CTNNA3: variants seen among roughly 807,000 people sequenced by gnomAD.
CTNNA3 encodes the protein catenin alpha-3.
CTNNA3 carries 76 observed loss-of-function variants against 95.7 expected under a neutral mutation model. The ratio of observed to expected loss-of-function variants is 0.79; its 90% confidence interval spans 0.66 to 0.96. The LOEUF (loss-of-function observed/expected upper bound fraction) is 0.96, where lower values mean the gene tolerates loss of function less well. Ranked by LOEUF, CTNNA3 falls within the 40% of genes least tolerant of loss-of-function variation. CTNNA3 has a pLI of 0.00. For missense variants in CTNNA3, 1,191 were observed against 1,089.8 expected (o/e 1.09, Z -1.31); for synonymous variants, 431 against 374.4 (o/e 1.15, Z -1.74).
intron 5 of CTNNA3, among the ~76,000 whole-genome samples, chr10:67,268,712 G>A (rs1226669460): frequency 2.0e-5 from 3 of 152,116 alleles, no homozygotes; most frequent in African/African-American, 7.2e-5. Flanking sequence ...TAAACATTTT[G>A]AATTCAATTT....
chr10:66,812,848 T>C (rs550487432), intron 7 of CTNNA3, among the ~76,000 whole-genome samples: 6 of 152,176 alleles, frequency 3.9e-5, no homozygotes, highest in Admixed American at 1.3e-4. Flanking sequence ...TCCACAATTT[T>C]TCACTGGATA....
intron 5 of CTNNA3, among the ~76,000 whole-genome samples, chr10:67,439,131 C>T (rs1846407084): frequency 6.6e-6 from 1 of 152,068 alleles, no homozygotes; most frequent in Admixed American, 6.5e-5. Flanking sequence ...ATGAAAGTGA[C>T]TCTTTCCTTC....
At chr10:67,403,462 A>G (rs1476984956) in intron 5 of CTNNA3, 1 of 152,336 alleles carries the variant, frequency 6.6e-6, no homozygotes, top group Non-Finnish European at 1.5e-5. Context: ...GCTTCTTTAA[A>G]TAGAACCCCA....
chr10:67,361,978 C>T (rs1843003955), intron 5 of CTNNA3, among the ~76,000 whole-genome samples: 1 of 152,024 alleles, frequency 6.6e-6, no homozygotes, highest in Admixed American at 6.6e-5. Context: ...TCCTCAGAAA[C>T]TATTATGAAC....
At chr10:66,578,469 T>C (rs1843075110) in intron 10 of CTNNA3, among the ~76,000 whole-genome samples, 1 of 152,070 alleles carries the variant, frequency 6.6e-6, no homozygotes, top group Non-Finnish European at 1.5e-5. Flanking sequence ...TAAATAGCTC[T>C]TAAAATTTAG....
chr10:67,456,158 C>T (rs946602483), intron 5 of CTNNA3, among the ~76,000 whole-genome samples: 1 of 152,082 alleles, frequency 6.6e-6, no homozygotes, highest in Non-Finnish European at 1.5e-5. Flanking sequence ...AGATCCTAAA[C>T]TAATCCAGAT....
chr10:66,924,139 A>T (rs1202309366), intron 7 of CTNNA3, among the ~76,000 whole-genome samples: 1 of 152,170 alleles, frequency 6.6e-6, no homozygotes, highest in Non-Finnish European at 1.5e-5. Context: ...TGGGGGAGGG[A>T]TTGGGCAGTC....
At chr10:67,276,326 A>C (rs544464185) in intron 5 of CTNNA3, among the ~76,000 whole-genome samples, 2 of 152,230 alleles carry the variant, frequency 1.3e-5, no homozygotes, top group Non-Finnish European at 1.5e-5. Context: ...AAATATAGTC[A>C]CCAGTCAGAA....
intron 7 of CTNNA3, among the ~76,000 whole-genome samples, chr10:67,045,473 G>A (rs975087231): frequency 6.6e-6 from 1 of 152,074 alleles, no homozygotes; most frequent in Non-Finnish European, 1.5e-5. Context: ...GTGTTGCGAG[G>A]GCTGACTTTC....
rs1166862544 is a variant in CTNNA3, at chr10:66,719,904, GA to G, written c.1281+46359del. Among the ~76,000 whole-genome samples the G allele has an allele frequency of 3.3e-5, 5 of 152,084 alleles. No individual in the cohort carries two copies. In the East Asian group the frequency reaches 9.7e-4, roughly 29 times the overall value. ...GCATTTCAACTCACCTCTCAGGCGG[GA>G]ATATGGACTCAGGCTTTTAGAAAGC... On this transcript the variant is annotated intron_variant, in intron 9 of 17. Coordinates refer to ENST00000433211, the MANE Select transcript of CTNNA3 (RefSeq NM_013266.4).
chr10:67,114,322 C>G (rs1002812316), intron 7 of CTNNA3, among the ~76,000 whole-genome samples: 28 of 152,022 alleles, frequency 1.8e-4, no homozygotes, highest in African/African-American at 6.7e-4. Flanking sequence ...AGACAAGGTT[C>G]TGGATTATAT....
intron 5 of CTNNA3, among the ~76,000 whole-genome samples, chr10:67,490,347 A>T (rs1043015755): frequency 2.6e-5 from 4 of 152,228 alleles, no homozygotes; most frequent in African/African-American, 9.6e-5. Context: ...AATTCTGGAT[A>T]GCCAAGGTGA....
chr10:66,366,898 A>T (rs568512096), intron 12 of CTNNA3, among the ~76,000 whole-genome samples: 9 of 152,268 alleles, frequency 5.9e-5, no homozygotes, highest in Non-Finnish European at 1.2e-4. Context: ...GTGGGTTTTT[A>T]AAATAAAATA....
chr10:67,746,120 G>T (rs549461376), intron 1 of CTNNA3, among the ~76,000 whole-genome samples: 3 of 152,012 alleles, frequency 2.0e-5, no homozygotes, highest in African/African-American at 7.2e-5. Flanking sequence ...AGCCAAAGAC[G>T]TCCTGAGGAA....
rs1479648857 is a variant in CTNNA3, at chr10:67,219,600, G to A, written c.843+7C>T. The A allele has an allele frequency of 1.3e-5, 21 of 1,607,582 alleles. No homozygotes were observed. Among genetic ancestry groups the A allele is most frequent in the Admixed American group, 3.4e-5 (2 of 59,644 alleles). ...TCAGATCACACTTTATCTTTCTCCC[G>A]ACTTACCTCCAGCTCATCAAGGGCA... is the stretch of plus-strand genomic sequence containing the variant. On this transcript the variant is annotated splice_region_variant and intron_variant, in intron 6 of 17. Transcript: ENST00000433211.
chr10:67,232,929 G>A lies in CTNNA3; in HGVS notation c.580-13059C>T, dbSNP rs569357807. On this transcript the variant is annotated intron_variant, in intron 5 of 17. Transcript: ENST00000433211. Reference sequence around the variant, plus strand: ...GAGACAAAGAAGGCCATTACATAACGGTAAAGGGATCAATTCAACAAGAAG... The same window carrying A: ...GAGACAAAGAAGGCCATTACATAACAGTAAAGGGATCAATTCAACAAGAAG... Among the ~76,000 whole-genome samples the A allele has an allele frequency of 3.7e-3, 561 of 152,178 alleles. 2 individuals are homozygous for A. The highest frequency in any genetic ancestry group is 0.019 in the South Asian group (91 of 4,812).
chr10:66,297,559 G>A (rs971298413), intron 12 of CTNNA3, among the ~76,000 whole-genome samples: 6 of 151,866 alleles, frequency 4.0e-5, no homozygotes, highest in Non-Finnish European at 7.4e-5. Flanking sequence ...TCTCTTCCTC[G>A]TGTCCTCTAT....
chr10:66,860,022 G>C (rs1429681247), intron 7 of CTNNA3, among the ~76,000 whole-genome samples: 1 of 104,234 alleles, frequency 9.6e-6, no homozygotes, highest in Non-Finnish European at 1.9e-5. Context: ...GTTGTGGGGT[G>C]GGGGGAGGGG....
chr10:66,553,688 C>T (rs1202292316), intron 10 of CTNNA3, among the ~76,000 whole-genome samples: 1 of 151,326 alleles, frequency 6.6e-6, no homozygotes, highest in African/African-American at 2.4e-5. Flanking sequence ...CCACCACACC[C>T]GGCTAATTTT....
Sources: allele counts gnomAD v4.1 joint callset (sites outside exome capture counted in the v4.1 genomes callset), GRCh38; gene constraint gnomAD v4.1.1; transcripts MANE v1.5; gene names NCBI Gene and HGNC (gene_info 2026-07-23, HGNC 2026-07-21).